CRACD: variants seen among roughly 807,000 people sequenced by gnomAD.
The protein encoded by CRACD is capping protein inhibiting regulator of actin dynamics, also known as capping protein-inhibiting regulator of actin dynamics.
In CRACD, 56 loss-of-function variants were observed where a neutral mutation model predicts 106.8. That is an observed-to-expected ratio of 0.52 (90% CI 0.42 to 0.66). CRACD has a LOEUF of 0.66. Among genes scored for constraint, CRACD ranks in the 30% least tolerant of loss-of-function variants. CRACD has a pLI of 0.00. For synonymous variants in CRACD, 754 were observed against 670.8 expected (o/e 1.12, Z -1.92); for missense variants, 1,730 against 1,623.2 (o/e 1.07, Z -1.13).
chr4:56,073,367 G>GT (rs34721367), intron 1 of CRACD, among the ~76,000 whole-genome samples: 62,049 of 152,040 alleles, frequency 0.41, 14,623 homozygotes, highest in African/African-American at 0.66. Context: ...GTGATGATGA[G>GT]TTTTTGTCGT....
At chr4:56,291,790 C>T (rs1319384156) in intron 3 of CRACD, among the ~76,000 whole-genome samples, 27 of 152,106 alleles carry the variant, frequency 1.8e-4, no homozygotes, top group Admixed American at 1.8e-3. Flanking sequence ...GAACCATAAG[C>T]CAGTTAAACC....
rs557176745 is a variant in CRACD at position 56,050,226 on chromosome 4, T to C, written c.-336+927T>C. ...GACCATGTGTTGTGAAATTTTAATATGGTTTTAGGAATAATGGCTGGGAAA... is the reference window on the plus strand; with the variant it reads ...GACCATGTGTTGTGAAATTTTAATACGGTTTTAGGAATAATGGCTGGGAAA... On this transcript the variant is annotated intron_variant, in intron 1 of 10. Transcript: ENST00000682029. Among the ~76,000 whole-genome samples the C allele has an allele frequency of 7.2e-5, 11 of 151,854 alleles. No individual in the cohort carries two copies. In the South Asian group the frequency reaches 2.3e-3, roughly 32 times the overall value.
In CRACD at chr4:56,323,367, T is replaced by C. The variant is rs952791405; in HGVS notation, c.3188-10T>C. Reference sequence around the variant, plus strand: ...TCATTGCAAACCGTTCTTTGTCTTATTCCCCACAGAGAAGCCGATGCTTCA... The same window carrying C: ...TCATTGCAAACCGTTCTTTGTCTTACTCCCCACAGAGAAGCCGATGCTTCA... On this transcript the variant is annotated splice_polypyrimidine_tract_variant and intron_variant, in intron 8 of 10. Transcript: ENST00000682029. 2.5e-6 allele frequency: 4 copies of C among 1,589,592 alleles called. No individual in the cohort carries two copies. Among genetic ancestry groups the C allele is most frequent in the Non-Finnish European group, 3.4e-6 (4 of 1,174,122 alleles).
chr4:56,262,096 G>T (rs1741741412), intron 2 of CRACD, among the ~76,000 whole-genome samples: 1 of 152,152 alleles, frequency 6.6e-6, no homozygotes, highest in African/African-American at 2.4e-5. Flanking sequence ...AGATGGTTAA[G>T]AAATACATCA....
intron 1 of CRACD, among the ~76,000 whole-genome samples, chr4:56,072,497 C>T (rs866247960): frequency 2.0e-5 from 3 of 152,234 alleles, no homozygotes; most frequent in Middle Eastern, 3.4e-3. Context: ...ATTCACACAC[C>T]GTAAAATTCA....
chr4:56,271,326 T>G (rs1327653368), intron 2 of CRACD, among the ~76,000 whole-genome samples: 3 of 152,208 alleles, frequency 2.0e-5, no homozygotes, highest in Non-Finnish European at 4.4e-5. Flanking sequence ...CAACAAATGT[T>G]GGCAGCAAGC....
chr4:56,318,004 G>C (rs1244104297), intron 8 of CRACD, among the ~76,000 whole-genome samples: 1 of 152,082 alleles, frequency 6.6e-6, no homozygotes, highest in Non-Finnish European at 1.5e-5. Flanking sequence ...CAGAGAAATT[G>C]TCCCCTGAGG....
At chr4:56,127,303 G>A (rs373855689) in intron 1 of CRACD, among the ~76,000 whole-genome samples, 1 of 152,114 alleles carries the variant, frequency 6.6e-6, no homozygotes, top group Non-Finnish European at 1.5e-5. Flanking sequence ...TTCTGTTAAA[G>A]CAGCACAAAC....
At chr4:56,088,740 C>T (rs769934181) in intron 1 of CRACD, among the ~76,000 whole-genome samples, 32 of 150,778 alleles carry the variant, frequency 2.1e-4, no homozygotes, top group East Asian at 3.9e-4. Flanking sequence ...TTTTTTTTGA[C>T]GGAATCTTGC....
chr4:56,092,588 TTTTA>T (rs1733456759), intron 1 of CRACD, among the ~76,000 whole-genome samples: 1 of 152,118 alleles, frequency 6.6e-6, no homozygotes, highest in Non-Finnish European at 1.5e-5. Context: ...GCTTAATTTA[TTTTA>T]TTTATTTTTT....
intron 1 of CRACD, among the ~76,000 whole-genome samples, chr4:56,087,792 T>TA (rs1733279546): frequency 6.6e-6 from 1 of 152,300 alleles, no homozygotes; most frequent in African/African-American, 2.4e-5. Flanking sequence ...TTTTTTTACT[T>TA]ACTTATTTCA....
chr4:56,123,136 G>A (rs1007011873), intron 1 of CRACD, among the ~76,000 whole-genome samples: 3 of 152,144 alleles, frequency 2.0e-5, no homozygotes, highest in Non-Finnish European at 2.9e-5. Flanking sequence ...TATGATCAAC[G>A]GATAAATGTT....
chr4:56,082,382 G>T (rs1351793029), intron 1 of CRACD, among the ~76,000 whole-genome samples: 1 of 152,208 alleles, frequency 6.6e-6, no homozygotes, highest in Non-Finnish European at 1.5e-5. Context: ...TAAGCCACGG[G>T]AGGCCTTTAA....
chr4:56,076,805 G>C (rs1732854589), intron 1 of CRACD, among the ~76,000 whole-genome samples: 1 of 152,230 alleles, frequency 6.6e-6, no homozygotes. Flanking sequence ...GAAGCTTTGT[G>C]AGGGGGACCC....
In CRACD at chr4:56,328,993, G is replaced by A. The variant is rs1285123445; in HGVS notation, c.*1189G>A. 6.6e-6 allele frequency among the ~76,000 whole-genome samples: 1 copy of A among 152,130 alleles called. No individual in the cohort carries two copies. The highest frequency in any genetic ancestry group is 1.5e-5 in the Non-Finnish European group (1 of 68,020). On this transcript the variant is annotated 3_prime_UTR_variant, in exon 11 of 11. Transcript: ENST00000682029. ...AAAGTCTTTTCTTTACTATAATTGAGTAATTCATATTTAGAGTCACATGTC... is the reference window on the plus strand; with the variant it reads ...AAAGTCTTTTCTTTACTATAATTGAATAATTCATATTTAGAGTCACATGTC...
At chr4:56,184,302 C>T (rs1409449665) in intron 2 of CRACD, among the ~76,000 whole-genome samples, 1 of 152,184 alleles carries the variant, frequency 6.6e-6, no homozygotes. Flanking sequence ...AATTCCTGGC[C>T]TCAGGTGATC....
At chr4:56,199,134 C>T (rs1377139213) in intron 2 of CRACD, among the ~76,000 whole-genome samples, 9 of 152,114 alleles carry the variant, frequency 5.9e-5, no homozygotes, top group Admixed American at 5.9e-4. Context: ...ATATGTGTCA[C>T]AGGTGTTCCT....
chr4:56,221,017 G>A (rs1468696789), intron 2 of CRACD, among the ~76,000 whole-genome samples: 1 of 152,136 alleles, frequency 6.6e-6, no homozygotes, highest in Non-Finnish European at 1.5e-5. Context: ...AGCGTCCTTG[G>A]GGTTTGGGAT....
chr4:56,167,289 A>G (rs189592295), intron 1 of CRACD, among the ~76,000 whole-genome samples: 269 of 152,340 alleles, frequency 1.8e-3, no homozygotes, highest in African/African-American at 6.2e-3. Flanking sequence ...CAGATCTCCA[A>G]GTTATTTTAA....
Sources: gnomAD v4.1 joint callset for allele counts (sites outside exome capture counted in the v4.1 genomes callset) on GRCh38, gnomAD v4.1.1 for gene constraint, MANE v1.5 for transcripts, NCBI Gene and HGNC (gene_info 2026-07-23, HGNC 2026-07-21) for gene names.